The following SPIRE2 variants were observed in gnomAD, a reference collection of about 807,000 sequenced individuals.
The protein encoded by SPIRE2 is spire type actin nucleation factor 2.
A neutral mutation model predicts 80.7 loss-of-function variants in SPIRE2; 76 were observed. The ratio of observed to expected loss-of-function variants is 0.94; its 90% CI spans 0.78 to 1.14. The LOEUF is 1.14. Ranked by LOEUF, SPIRE2 falls within the 50% of genes most tolerant of loss-of-function variation. SPIRE2 has a pLI of 0.00. For missense variants in SPIRE2, 1,196 were observed against 1,015.3 expected (o/e 1.18, Z -2.42); for synonymous variants, 535 against 432.6 (o/e 1.24, Z -2.94).
chr16:89,858,321 G>A lies in SPIRE2; in HGVS notation c.1103-17G>A, dbSNP rs758650463. 65 of 1,564,380 alleles carry A rather than the reference G, an allele frequency of 4.2e-5. No homozygotes were observed. In the Admixed American group the frequency reaches 9.5e-4, roughly 23 times the overall value. On this transcript the variant is annotated splice_polypyrimidine_tract_variant and intron_variant, in intron 7 of 14. Transcript: ENST00000378247. ...CCCGTTCACTGGCCCGTCCTGCCTC[G>A]GCTCCCGTCTCCCCAGGGTTTGGCT...
chr16:89,842,105 C>A (rs992873475), intron 1 of SPIRE2, among the ~76,000 whole-genome samples: 2 of 152,068 alleles, frequency 1.3e-5, no homozygotes, highest in African/African-American at 2.4e-5. Flanking sequence ...ACTGCAAAGG[C>A]CTCTGTCGGC....
rs1240240542 is a variant in SPIRE2 at position 89,850,615 on chromosome 16, G to A, written c.600G>A (p.Thr200=). 1.3e-5 allele frequency: 19 copies of A among 1,515,704 alleles called. No individual in the cohort carries two copies. The East Asian group carries it at 3.0e-4, about 24-fold the overall frequency. 93.9% of individuals were successfully genotyped at this position (1,515,704 alleles called of 1,614,324 possible). Residue 200 remains threonine (T), a synonymous_variant, in exon 3 of 15, where the codon ACG becomes ACA. Coordinates refer to ENST00000378247, the MANE Select transcript of SPIRE2 (RefSeq NM_032451.2). The part of the protein sequence containing the change: ...QAVCRALFVE[T]LELRAFLARV... The stretch of plus-strand genomic sequence containing the variant: ...TGTGCCGCGCGCTCTTCGTGGAGAC[G>A]CTGGAGCTGCGGGCCTTCCTGGCCA...
Position 89,838,692 on chromosome 16 carries a change from G to C in SPIRE2, c.245-6630G>C, listed in dbSNP as rs1044408343. ...CTCACACCTTGATTTCTTGACACTC[G>C]CACATCCACATGCTCCAAATCAAAG... On this transcript the variant is annotated intron_variant, in intron 1 of 14. Coordinates refer to ENST00000378247, the MANE Select transcript of SPIRE2 (RefSeq NM_032451.2). Among the ~76,000 whole-genome samples the C allele has an allele frequency of 2.6e-5, 4 of 152,176 alleles. No individual in the cohort carries two copies. The East Asian group carries it at 5.8e-4, about 22-fold the overall frequency.
chr16:89,828,790 C>G lies in SPIRE2; in HGVS notation c.240C>G (p.Ala80=). Residue 80 remains alanine, a synonymous_variant, in exon 1 of 15, where the codon GCC becomes GCG. Transcript: ENST00000378247. This position sits in a 1 kb window ranked among gnomAD's most constrained non-coding sequence, Gnocchi z 5.9. ...DGSVGAREPE[A]AEPATMVVPL... is the part of the protein sequence containing the mutation. ...CGGTCGGGGCGCGGGAGCCCGAGGC[C>G]GCGGGTGAGGCCGGGGGCGGGGCAG... 2 of 1,182,212 alleles carry G rather than the reference C, an allele frequency of 1.7e-6. No individual in the cohort carries two copies. Among genetic ancestry groups the G allele is most frequent in the East Asian group, 7.4e-5 (2 of 26,988 alleles). 73.2% of individuals were successfully genotyped at this position (1,182,212 alleles called of 1,614,324 possible).
chr16:89,856,209 G>C lies in SPIRE2; in HGVS notation c.1075G>C (p.Val359Leu), dbSNP rs772628067. The C allele has an allele frequency of 1.3e-6, 2 of 1,592,026 alleles. No individual in the cohort carries two copies. Among genetic ancestry groups the C allele is most frequent in the African/African-American group, 2.7e-5 (2 of 74,678 alleles). ...EIKQERRLRPVRGEGWAARGF... is the reference protein window; with the variant it reads ...EIKQERRLRPLRGEGWAARGF... Reference sequence around the variant, plus strand: ...CAAGCAGGAGCGGAGGCTGCGCCCGGTGCGGGGCGAGGGCTGGGCTGCCCG... The same window carrying C: ...CAAGCAGGAGCGGAGGCTGCGCCCGCTGCGGGGCGAGGGCTGGGCTGCCCG... Residue 359 changes from valine to leucine, a missense_variant, in exon 7 of 15, where the codon GTG becomes CTG. Physicochemically the swap from Val to Leu is conservative, Grantham distance 32 (BLOSUM62 1). Coordinates refer to ENST00000378247, the MANE Select transcript of SPIRE2 (RefSeq NM_032451.2).
At chr16:89,841,172 A>T (rs1379134474) in intron 1 of SPIRE2, among the ~76,000 whole-genome samples, 2 of 151,132 alleles carry the variant, frequency 1.3e-5, no homozygotes, top group African/African-American at 4.9e-5. Context: ...TGACAGAGCA[A>T]CACCTTGTTT....
intron 12 of SPIRE2, among the ~76,000 whole-genome samples, chr16:89,865,858 C>T (rs1387481566): frequency 6.6e-6 from 1 of 150,528 alleles, no homozygotes; most frequent in African/African-American, 2.4e-5. Flanking sequence ...GTCCCAGCTA[C>T]TCGGGAGGCT....
Position 89,842,208 on chromosome 16 carries a change from A to ATTTTTTTTTTTTTTTTT in SPIRE2, c.245-3108_245-3092dup. Among the ~76,000 whole-genome samples the ATTTTTTTTTTTTTTTTT allele has an allele frequency of 4.7e-3, 379 of 81,292 alleles. 72 individuals are homozygous for ATTTTTTTTTTTTTTTTT. The highest frequency in any genetic ancestry group is 0.018 in the East Asian group (29 of 1,568). The allele number at this position is 81,292 out of a possible 152,430, so 53.3% of individuals were successfully genotyped here. ...ATACAATTAGATTCATGAACACGTA[A>ATTTTTTTTTTTTTTTTT]TTTTTTTTTTTTTTTTTTTTTTGTG... On this transcript the variant is annotated intron_variant, in intron 1 of 14. Transcript: ENST00000378247.
chr16:89,861,681 G>A (rs1417978893), intron 10 of SPIRE2, among the ~76,000 whole-genome samples: 2 of 152,228 alleles, frequency 1.3e-5, no homozygotes, highest in Non-Finnish European at 2.9e-5. Flanking sequence ...CTTTCGTGAG[G>A]CTGCAGTTAG....
intron 10 of SPIRE2, among the ~76,000 whole-genome samples, chr16:89,861,030 C>T (rs1002641207): frequency 5.9e-5 from 9 of 152,092 alleles, no homozygotes; most frequent in African/African-American, 1.7e-4. Context: ...ACTGCGGCCC[C>T]GGAGCCTGGT....
Position 89,828,836 on chromosome 16 carries a change from G to C in SPIRE2, c.244+42G>C, listed in dbSNP as rs2041351794. ...GGCAGCCGGCGGGGACCGCGGTCTG[G>C]GGCGTCCGTCCCGCCCCCTGGGTGG... is the stretch of plus-strand genomic sequence containing the variant. On this transcript the variant is annotated intron_variant, in intron 1 of 14. Coordinates refer to ENST00000378247, the MANE Select transcript of SPIRE2 (RefSeq NM_032451.2). The surrounding 1 kb of genome is among the most constrained non-coding windows in gnomAD (Gnocchi z 5.9). The C allele has an allele frequency of 2.6e-6, 3 of 1,170,190 alleles. No homozygotes were observed. Among genetic ancestry groups the C allele is most frequent in the Non-Finnish European group, 3.2e-6 (3 of 947,776 alleles). The allele number at this position is 1,170,190 out of a possible 1,614,324, so 72.5% of individuals were successfully genotyped here. A position where few individuals can be genotyped will look rare whatever the true frequency, so the allele number is the denominator to read the frequency against.
At chr16:89,837,718 C>T (rs912515240) in intron 1 of SPIRE2, among the ~76,000 whole-genome samples, 11 of 152,160 alleles carry the variant, frequency 7.2e-5, no homozygotes, top group Non-Finnish European at 1.3e-4. Context: ...CTCGGGTCTC[C>T]GCAGGCATTG....
chr16:89,833,749 G>A (rs2041411447), intron 1 of SPIRE2, among the ~76,000 whole-genome samples: 1 of 152,202 alleles, frequency 6.6e-6, no homozygotes. Context: ...CCTGCCTTGG[G>A]GAGCAGCACG....
chr16:89,861,793 C>G (rs915258984), intron 10 of SPIRE2, among the ~76,000 whole-genome samples: 33 of 152,152 alleles, frequency 2.2e-4, no homozygotes, highest in African/African-American at 7.5e-4. Flanking sequence ...GCGTGAGTCC[C>G]TTGCTGTGTA....
chr16:89,849,719 C>T (rs566795783), intron 2 of SPIRE2: 1 of 233,548 alleles, frequency 4.3e-6, no homozygotes, highest in African/African-American at 2.4e-5. Flanking sequence ...TCCACAGAAC[C>T]ACTGGTGCCC....
At chr16:89,859,427 A>C in intron 9 of SPIRE2, 73 bp downstream of exon 9, 2 of 954,272 alleles carry the variant, frequency 2.1e-6, no homozygotes, top group Non-Finnish European at 2.8e-6. Context: ...CCATCCCTCC[A>C]CCTCAGCCCA....
Position 89,854,327 on chromosome 16 carries a change from G to T in SPIRE2, c.687G>T (p.Thr229=). ...GGGAGGACGAGCCGCATCTGGAGACGCCTCGGGCAGAGCTGGACAGCCTGG... is the reference window on the plus strand; with the variant it reads ...GGGAGGACGAGCCGCATCTGGAGACTCCTCGGGCAGAGCTGGACAGCCTGG... ...KLREDEPHLE[T]PRAELDSLGH... Residue 229 remains threonine, a synonymous_variant, in exon 4 of 15, where the codon ACG becomes ACT. Coordinates refer to ENST00000378247, the MANE Select transcript of SPIRE2 (RefSeq NM_032451.2). 6.2e-7 allele frequency: 1 copy of T among 1,612,604 alleles called. No homozygotes were observed. The highest frequency in any genetic ancestry group is 8.5e-7 in the Non-Finnish European group (1 of 1,179,892).
intron 12 of SPIRE2, among the ~76,000 whole-genome samples, chr16:89,867,067 G>A (rs936145944): frequency 8.5e-5 from 13 of 152,058 alleles, no homozygotes; most frequent in African/African-American, 2.7e-4. Context: ...ATGTCTACAC[G>A]TCTTCTTAGA....
At chr16:89,848,020 C>T (rs766156124) in intron 2 of SPIRE2, among the ~76,000 whole-genome samples, 3 of 152,198 alleles carry the variant, frequency 2.0e-5, no homozygotes, top group Non-Finnish European at 2.9e-5. Context: ...ATCGGAGCCA[C>T]GCGACCAGGG....
Sources: allele counts gnomAD v4.1 joint callset (sites outside exome capture counted in the v4.1 genomes callset), GRCh38; gene constraint gnomAD v4.1.1; non-coding constraint Gnocchi (gnomAD v3.1); transcripts MANE v1.5; gene names NCBI Gene and HGNC (gene_info 2026-07-23, HGNC 2026-07-21).